Variants in HPSE2 observed in about 807,000 individuals in gnomAD.
HPSE2 encodes the protein heparanase 2 (inactive), also known as inactive heparanase-2.
In HPSE2, 38 loss-of-function variants were observed where a neutral mutation model predicts 60.5. The ratio of observed to expected loss-of-function variants is 0.63; its 90% CI spans 0.48 to 0.82. The LOEUF (loss-of-function observed/expected upper bound fraction) is 0.82, where lower values mean the gene tolerates loss of function less well. Among genes scored for constraint, HPSE2 ranks in the 40% least tolerant of loss-of-function variants. The pLI, the probability that HPSE2 is intolerant of heterozygous loss-of-function variation, is 0.00. For missense variants in HPSE2, 713 were observed against 740.4 expected (o/e 0.96, Z 0.43); for synonymous variants, 295 against 293.2 (o/e 1.01, Z -0.06).
chr10:99,267,276 C>T, the HPSE2 span, among the ~76,000 whole-genome samples: 1 of 151,780 alleles, frequency 6.6e-6, no homozygotes. Context: ...AGTGAAATAG[C>T]ATAAATAAAA....
intron 3 of HPSE2, among the ~76,000 whole-genome samples, chr10:99,087,719 T>G (rs1843372665): frequency 6.6e-6 from 1 of 151,918 alleles, no homozygotes; most frequent in Non-Finnish European, 1.5e-5. Context: ...ACAGCAAAAT[T>G]TTTCATTTCT....
At chr10:98,486,106 C>T (rs1299841961) in intron 10 of HPSE2, among the ~76,000 whole-genome samples, 1 of 152,200 alleles carries the variant, frequency 6.6e-6, no homozygotes, top group East Asian at 1.9e-4. Flanking sequence ...GCATTAAAGA[C>T]TGCCTCAGCC....
At chr10:99,014,764 A>G (rs879685171) in intron 3 of HPSE2, among the ~76,000 whole-genome samples, 8 of 152,122 alleles carry the variant, frequency 5.3e-5, no homozygotes, top group Non-Finnish European at 8.8e-5. Flanking sequence ...AACATGGGCA[A>G]GGACTTCATG....
chr10:98,472,899 C>T lies in HPSE2; in HGVS notation c.1613+9737G>A, dbSNP rs542911633. Among the ~76,000 whole-genome samples the T allele has an allele frequency of 3.9e-5, 6 of 152,172 alleles. No homozygotes were observed. In the South Asian group the frequency reaches 1.2e-3, roughly 32 times the overall value. ...CATAGATAGCAATGGAGGAAATTGC[C>T]TTATACCTGTATTAGAGCAAACTTA... On this transcript the variant is annotated intron_variant, in intron 11 of 11. Coordinates refer to ENST00000370552, the MANE Select transcript of HPSE2 (RefSeq NM_021828.5).
chr10:98,639,595 A>G (rs1275477792), intron 7 of HPSE2, among the ~76,000 whole-genome samples: 2 of 152,186 alleles, frequency 1.3e-5, no homozygotes, highest in African/African-American at 4.8e-5. Flanking sequence ...TACCAATTGC[A>G]CGCAGAGTTT....
At chr10:99,266,544 A>C in the HPSE2 span, among the ~76,000 whole-genome samples, 1 of 152,040 alleles carries the variant, frequency 6.6e-6, no homozygotes, top group Non-Finnish European at 1.5e-5. Context: ...CCCCCACGTG[A>C]TGGTCTTTCT....
intron 3 of HPSE2, among the ~76,000 whole-genome samples, chr10:98,880,589 A>G (rs890199624): frequency 2.6e-5 from 4 of 152,040 alleles, no homozygotes; most frequent in Admixed American, 6.6e-5. Context: ...TGCAAAATGA[A>G]TATTCAAAAT....
At chr10:98,630,101 C>T (rs919907281) in intron 7 of HPSE2, among the ~76,000 whole-genome samples, 1 of 152,152 alleles carries the variant, frequency 6.6e-6, no homozygotes, top group African/African-American at 2.4e-5. Flanking sequence ...GCTACCTCTT[C>T]CCCCATTGCT....
At chr10:98,837,564 G>T (rs1951817499) in intron 3 of HPSE2, among the ~76,000 whole-genome samples, 1 of 152,094 alleles carries the variant, frequency 6.6e-6, no homozygotes, top group African/African-American at 2.4e-5. Flanking sequence ...AGAAGAAATG[G>T]GATCTAAGAG....
the HPSE2 span, among the ~76,000 whole-genome samples, chr10:99,258,172 A>G: frequency 6.6e-6 from 1 of 152,120 alleles, no homozygotes; most frequent in Non-Finnish European, 1.5e-5. Flanking sequence ...TATAAGATCA[A>G]TATACAAAAG....
intron 3 of HPSE2, among the ~76,000 whole-genome samples, chr10:99,021,391 C>T (rs923792821): frequency 9.9e-5 from 15 of 152,020 alleles, no homozygotes; most frequent in Non-Finnish European, 2.9e-5. Flanking sequence ...ATAATTCATC[C>T]AAGGTTACTC....
intron 3 of HPSE2, among the ~76,000 whole-genome samples, chr10:98,781,685 T>C (rs1950473823): frequency 1.3e-5 from 2 of 151,926 alleles, no homozygotes; most frequent in Admixed American, 6.6e-5. Flanking sequence ...GGCAGAATAA[T>C]TTAATATCCA....
chr10:98,744,388 G>A (rs1369449434), intron 3 of HPSE2, among the ~76,000 whole-genome samples: 6 of 152,100 alleles, frequency 3.9e-5, no homozygotes, highest in Admixed American at 6.6e-5. Context: ...TTTGCTGGGC[G>A]TGGTGGTGTA....
chr10:98,988,926 C>T (rs1356978208), intron 3 of HPSE2, among the ~76,000 whole-genome samples: 1 of 142,698 alleles, frequency 7.0e-6, no homozygotes, highest in South Asian at 2.5e-4. Flanking sequence ...CAGAGAAATG[C>T]AAATCAAAAC....
chr10:98,528,390 A>G (rs1322736912), intron 9 of HPSE2, among the ~76,000 whole-genome samples: 1 of 152,198 alleles, frequency 6.6e-6, no homozygotes, highest in African/African-American at 2.4e-5. Flanking sequence ...TCTCTGAGTC[A>G]TGTCATTTTC....
At chr10:99,072,927 C>CAAAAAAAAAAAAAA (rs770699941) in intron 3 of HPSE2, among the ~76,000 whole-genome samples, 1 of 88,036 alleles carries the variant, frequency 1.1e-5, no homozygotes, top group African/African-American at 6.4e-5. Context: ...GGCTCCGTCT[C>CAAAAAAAAAAAAAA]AAAAAAAAAA....
the HPSE2 span, among the ~76,000 whole-genome samples, chr10:99,308,978 C>G: frequency 6.6e-6 from 1 of 152,030 alleles, no homozygotes; most frequent in African/African-American, 2.4e-5. Context: ...TTGCTTCAGC[C>G]TCAAAGAGTA....
intron 3 of HPSE2, among the ~76,000 whole-genome samples, chr10:98,772,021 C>T (rs1950251223): frequency 6.6e-6 from 1 of 152,158 alleles, no homozygotes. Context: ...CACAGCATCA[C>T]TAAGAAGTTC....
chr10:98,955,900 GAAC>G (rs1329473899), intron 3 of HPSE2, among the ~76,000 whole-genome samples: 2 of 152,024 alleles, frequency 1.3e-5, no homozygotes, highest in African/African-American at 2.4e-5. Context: ...AGTGGGAGCT[GAAC>G]AACAAGAACA....
Sources: allele counts gnomAD v4.1 joint callset (sites outside exome capture counted in the v4.1 genomes callset), GRCh38; gene constraint gnomAD v4.1.1; transcripts MANE v1.5; gene names NCBI Gene and HGNC (gene_info 2026-07-23, HGNC 2026-07-21).